Variants in NOM1 observed in about 807,000 individuals in gnomAD.
NOM1 encodes nucleolar protein with MIF4G domain 1, also known as nucleolar MIF4G domain-containing protein 1.
A neutral mutation model predicts 73.3 loss-of-function variants in NOM1; 58 were observed. The ratio of observed to expected loss-of-function variants is 0.79; its 90% CI spans 0.64 to 0.99. The LOEUF is 0.99. NOM1 is among the 50% of genes least tolerant of loss of function. NOM1 has a pLI of 0.00. For synonymous variants in NOM1, 487 were observed against 446.8 expected (o/e 1.09, Z -1.14); for missense variants, 1,226 against 1,131.9 (o/e 1.08, Z -1.19).
intron 4 of NOM1, among the ~76,000 whole-genome samples, chr7:156,961,172 A>G (rs1804855421): frequency 6.6e-6 from 1 of 152,164 alleles, no homozygotes; most frequent in Admixed American, 6.5e-5. Context: ...AGGAGCACTG[A>G]CGTCTAGCTG....
chr7:156,954,483 C>A lies in NOM1; in HGVS notation c.1308+185C>A, dbSNP rs1174076977. Among the ~76,000 whole-genome samples the A allele has an allele frequency of 3.1e-5, 3 of 96,134 alleles. No homozygotes were observed. The Admixed American group carries it at 3.4e-4, about 11-fold the overall frequency. The allele number at this position is 96,134 out of a possible 152,430, so 63.1% of individuals were successfully genotyped here. A position where few individuals can be genotyped will look rare whatever the true frequency, so the allele number is the denominator to read the frequency against. ...AGAGCATTCAGGAAGTACTTGATTA[C>A]TTGATTTTGCTTAACTTTGCTTTTT... On this transcript the variant is annotated intron_variant, in intron 3 of 10. Coordinates refer to ENST00000275820, the MANE Select transcript of NOM1 (RefSeq NM_138400.2).
chr7:156,963,194 A>G lies in NOM1; in HGVS notation c.1911+19A>G, dbSNP rs1470235824. On this transcript the variant is annotated intron_variant, in intron 6 of 10. Transcript: ENST00000275820. The stretch of plus-strand genomic sequence containing the variant: ...GGGGACGGTAGGGACACCCATGCTC[A>G]AGGCTGCCAGGCAGAGGCACCCCCC... 1 of 1,613,788 alleles carries G rather than the reference A, an allele frequency of 6.2e-7. No homozygotes were observed. Among genetic ancestry groups the G allele is most frequent in the Non-Finnish European group, 8.5e-7 (1 of 1,179,984 alleles).
chr7:156,963,351 C>A (rs547021901), intron 6 of NOM1, 176 bp downstream of exon 6: 1 of 672,446 alleles, frequency 1.5e-6, no homozygotes, highest in Non-Finnish European at 2.6e-6. Context: ...TATAATTATT[C>A]CATTTCTGTT....
chr7:156,959,199 T>A (rs566692968), intron 3 of NOM1, among the ~76,000 whole-genome samples: 1 of 152,016 alleles, frequency 6.6e-6, no homozygotes, highest in Non-Finnish European at 1.5e-5. Context: ...ATCTCCTGGG[T>A]TCAAGCGATT....
intron 3 of NOM1, among the ~76,000 whole-genome samples, chr7:156,956,856 A>G (rs906998539): frequency 1.3e-5 from 2 of 152,198 alleles, no homozygotes; most frequent in African/African-American, 4.8e-5. Context: ...CCCTGTGATT[A>G]CCATAATCAG....
intron 5 of NOM1, 136 bp from the exon 6 acceptor site, chr7:156,962,872 C>G (rs1002810985): frequency 2.1e-6 from 2 of 941,332 alleles, no homozygotes; most frequent in Non-Finnish European, 3.1e-6. Context: ...ACAGGCTAAC[C>G]GTCCCAATTG....
rs1488105358 is a variant in NOM1 at position 156,950,532 on chromosome 7, A to G, written c.795A>G (p.Gly265=). The change falls in exon 1 of 11, where the codon GGA becomes GGG. Residue 265 remains glycine (G), a synonymous_variant. Coordinates refer to ENST00000275820, the MANE Select transcript of NOM1 (RefSeq NM_138400.2). ...ACGAAAGTGAGGAGGAGGAGGAGGG[A>G]GACGTAGAAAAGGAAAAGAAGGCGC... The part of the protein sequence containing the change: ...SQDESEEEEE[G]DVEKEKKAQE... 1 of 1,613,874 alleles carries G rather than the reference A, an allele frequency of 6.2e-7. No homozygotes were observed. Among genetic ancestry groups the G allele is most frequent in the Admixed American group, 1.7e-5 (1 of 59,968 alleles).
Position 156,969,806 on chromosome 7 carries a change from A to G in NOM1, c.*103A>G, listed in dbSNP as rs1805099051. 3 of 1,106,502 alleles carry G rather than the reference A, an allele frequency of 2.7e-6. No individual in the cohort carries two copies. The highest frequency in any genetic ancestry group is 5.6e-5 in the Admixed American group (2 of 35,438). The allele number at this position is 1,106,502 out of a possible 1,614,324, so 68.5% of individuals were successfully genotyped here. A position where few individuals can be genotyped will look rare whatever the true frequency, so the allele number is the denominator to read the frequency against. On this transcript the variant is annotated 3_prime_UTR_variant, in exon 11 of 11. Coordinates refer to ENST00000275820, the MANE Select transcript of NOM1 (RefSeq NM_138400.2). The stretch of plus-strand genomic sequence containing the variant: ...GCGTGTGAATGTTTGGTAGAGCTAT[A>G]TCATTGTCTGTTAATGTATTATATT...
Position 156,950,346 on chromosome 7 carries a change from C to T in NOM1, c.609C>T (p.Gly203=), listed in dbSNP as rs1207839313. ...LGLNKRKKKD[G]SSSVPLSFAR... ...TGAACAAGCGCAAAAAGAAGGACGG[C>T]AGCAGCTCCGTGCCGCTGAGCTTTG... The change falls in exon 1 of 11, where the codon GGC becomes GGT. Residue 203 remains glycine (G), a synonymous_variant. Coordinates refer to ENST00000275820, the MANE Select transcript of NOM1 (RefSeq NM_138400.2). 1.9e-6 allele frequency: 3 copies of T among 1,614,194 alleles called. No individual in the cohort carries two copies. The highest frequency in any genetic ancestry group is 1.1e-5 in the South Asian group (1 of 91,086).
Position 156,954,257 on chromosome 7 carries a change from G to C in NOM1, c.1267G>C (p.Val423Leu). 6.2e-7 allele frequency: 1 copy of C among 1,609,614 alleles called. No individual in the cohort carries two copies. Among genetic ancestry groups the C allele is most frequent in the Non-Finnish European group, 8.5e-7 (1 of 1,178,574 alleles). The change falls in exon 3 of 11, where the codon GTT (valine) becomes CTT (leucine). Residue 423 changes from valine (V) to leucine (L), a missense_variant. Coordinates refer to ENST00000275820, the MANE Select transcript of NOM1 (RefSeq NM_138400.2). The part of the protein sequence containing the change: ...AMPSRLMMEH[V>L]LLVSILHHTV... The stretch of plus-strand genomic sequence containing the variant: ...GCCCAGCAGACTGATGATGGAGCAT[G>C]TTCTCTTAGTCAGCATCCTTCACCA...
In NOM1 at chr7:156,950,730, G is replaced by A. The variant is rs1331741778; in HGVS notation, c.987+6G>A. 2.6e-6 allele frequency: 4 copies of A among 1,549,068 alleles called. No homozygotes were observed. Among genetic ancestry groups the A allele is most frequent in the Admixed American group, 2.0e-5 (1 of 50,796 alleles). On this transcript the variant is annotated splice_donor_region_variant and intron_variant, in intron 1 of 10. Transcript: ENST00000275820. The stretch of plus-strand genomic sequence containing the variant: ...ACGGTGACATAACGGATAAGGTATC[G>A]TGTGAACACTCTCTAGGCCCTCTGG...
chr7:156,957,030 A>G (rs188763752), intron 3 of NOM1, among the ~76,000 whole-genome samples: 1 of 152,292 alleles, frequency 6.6e-6, no homozygotes, highest in Non-Finnish European at 1.5e-5. Context: ...AATTTACTTG[A>G]TTGGAAAACA....
In NOM1 at chr7:156,961,805, C is replaced by T. The variant is rs564753424; in HGVS notation, c.1633-346C>T. The stretch of plus-strand genomic sequence containing the variant: ...GAGAGAGGATGTCCAGAGCAGGTCG[C>T]GGGGGGCCAGGGTGGGAGCAGGAGC... On this transcript the variant is annotated intron_variant, in intron 4 of 10. Transcript: ENST00000275820. Among the ~76,000 whole-genome samples, 14 of 151,026 alleles carry T rather than the reference C, an allele frequency of 9.3e-5. 1 individual carries two copies. In the East Asian group the frequency reaches 1.6e-3, roughly 17 times the overall value.
At chr7:156,969,362 T>C (rs1305851915) in intron 10 of NOM1, among the ~76,000 whole-genome samples, 166 bp downstream of exon 10, 1 of 152,212 alleles carries the variant, frequency 6.6e-6, no homozygotes, top group African/African-American at 2.4e-5. Flanking sequence ...ACTTGTCTGC[T>C]AGCAAACTAA....
At position 156,971,345 on chromosome 7, in the gene NOM1, T is replaced by C. The variant is rs10260387; in HGVS notation, c.*1642T>C. 78,636 of 152,172 alleles carry C rather than the reference T, an allele frequency of 0.52. 20,688 individuals are homozygous for C. The highest frequency in any genetic ancestry group is 0.63 in the Middle Eastern group (184 of 294). 9.4% of individuals were successfully genotyped at this position (152,172 alleles called of 1,614,324 possible). ...GATGGGCACAGGTGCTGGTGATGCC[T>C]CTCCTGGGCAAAACGCCCCATTTGT... On this transcript the variant is annotated 3_prime_UTR_variant, in exon 11 of 11. Transcript: ENST00000275820.
Position 156,966,956 on chromosome 7 carries a change from A to G in NOM1, c.2167-5A>G. 1 of 1,610,770 alleles carries G rather than the reference A, an allele frequency of 6.2e-7. No individual in the cohort carries two copies. Among genetic ancestry groups the G allele is most frequent in the East Asian group, 2.2e-5 (1 of 44,854 alleles). On this transcript the variant is annotated splice_polypyrimidine_tract_variant and splice_region_variant and intron_variant, in intron 8 of 10. Transcript: ENST00000275820. ...CCTTTTTTCTCCTTTTAACTATGAT[A>G]CTAGATGACTTTCCAGTTCAGCATA... is the stretch of plus-strand genomic sequence containing the variant.
rs1274050052 is a variant in NOM1 at position 156,950,268 on chromosome 7, G to A, written c.531G>A (p.Ala177=). The A allele has an allele frequency of 3.7e-6, 6 of 1,613,794 alleles. No homozygotes were observed. The highest frequency in any genetic ancestry group is 3.3e-5 in the South Asian group (3 of 91,094). ...TAAARKRALL[A]ANEEEDREIR... The stretch of plus-strand genomic sequence containing the variant: ...CTGCCCGGAAACGGGCGCTTTTAGC[G>A]GCGAACGAGGAGGAGGACCGAGAGA... The change falls in exon 1 of 11, where the codon GCG becomes GCA. Residue 177 remains alanine, a synonymous_variant. Coordinates refer to ENST00000275820, the MANE Select transcript of NOM1 (RefSeq NM_138400.2).
At chr7:156,962,052 G>A (rs559597417) in intron 4 of NOM1, 99 bp from the exon 5 acceptor site, 26 of 904,632 alleles carry the variant, frequency 2.9e-5, no homozygotes, top group South Asian at 2.2e-4. Context: ...TGGCGGTGGC[G>A]GCCATGTGCA....
chr7:156,961,890 C>T (rs1307811679), intron 4 of NOM1, among the ~76,000 whole-genome samples: 2 of 151,632 alleles, frequency 1.3e-5, no homozygotes, highest in African/African-American at 2.4e-5. Flanking sequence ...AGGCGTGTGG[C>T]GAGCAGAAGG....
Sources: allele counts gnomAD v4.1 joint callset (sites outside exome capture counted in the v4.1 genomes callset), GRCh38; gene constraint gnomAD v4.1.1; transcripts MANE v1.5; gene names NCBI Gene and HGNC (gene_info 2026-07-23, HGNC 2026-07-21).